The following OPCML variants were observed in gnomAD, a reference collection of about 807,000 sequenced individuals.
OPCML encodes the protein opioid-binding protein/cell adhesion molecule.
Under a neutral mutation model 37.8 loss-of-function variants are expected in OPCML, and 13 were observed. The observed-to-expected ratio is 0.34, with a 90% CI of 0.22 to 0.55. The LOEUF (loss-of-function observed/expected upper bound fraction) is 0.55. Ranked by LOEUF, OPCML falls within the 20% of genes least tolerant of loss-of-function variation. The probability of loss-of-function intolerance (pLI) is 0.91; values close to 1 mark genes in which losing one functional copy is unlikely to be tolerated. For synonymous variants in OPCML, 176 were observed against 168.8 expected (o/e 1.04, Z -0.33); for missense variants, 341 against 435.6 (o/e 0.78, Z 1.93).
At chr11:132,663,935 C>T (rs1051787947) in intron 2 of OPCML, among the ~76,000 whole-genome samples, 2 of 152,138 alleles carry the variant, frequency 1.3e-5, no homozygotes, top group Non-Finnish European at 2.9e-5. Flanking sequence ...CGGGTTCACG[C>T]CATTCTCCCG....
chr11:132,565,977 G>A (rs1352870683), intron 3 of OPCML, among the ~76,000 whole-genome samples: 2 of 152,216 alleles, frequency 1.3e-5, no homozygotes, highest in African/African-American at 4.8e-5. Flanking sequence ...AGGTTGCAGT[G>A]AGTAGAGATT....
chr11:133,371,994 G>A (rs979464787), intron 1 of OPCML, among the ~76,000 whole-genome samples: 16 of 152,044 alleles, frequency 1.1e-4, no homozygotes, highest in African/African-American at 3.9e-4. Context: ...GACAGAGAGT[G>A]GAATGATAGA....
At chr11:132,697,435 T>C (rs1207505895) in intron 2 of OPCML, among the ~76,000 whole-genome samples, 1 of 152,102 alleles carries the variant, frequency 6.6e-6, no homozygotes, top group East Asian at 1.9e-4. Flanking sequence ...TCTCCCTGCT[T>C]CCCTCCTCCT....
intron 1 of OPCML, among the ~76,000 whole-genome samples, chr11:133,346,474 G>A (rs1944003748): frequency 6.6e-6 from 1 of 152,178 alleles, no homozygotes; most frequent in African/African-American, 2.4e-5. Context: ...GACTACAGAA[G>A]AATAGAAATG....
intron 1 of OPCML, among the ~76,000 whole-genome samples, chr11:133,034,308 GGTGTGTGTGTGTGT>G (rs71038514): frequency 7.0e-6 from 1 of 143,436 alleles, no homozygotes; most frequent in Non-Finnish European, 1.5e-5. Context: ...TGTATGTATA[GGTGTGTGTGTGTGT>G]GTGTGTGTGT....
chr11:133,471,991 T>C (rs2137007823), intron 1 of OPCML, among the ~76,000 whole-genome samples: 1 of 152,360 alleles, frequency 6.6e-6, no homozygotes, highest in East Asian at 1.9e-4. Context: ...CCATGAGAGC[T>C]GATCTTTCTA....
At chr11:132,509,629 G>T (rs888736696) in intron 4 of OPCML, among the ~76,000 whole-genome samples, 15 of 152,340 alleles carry the variant, frequency 9.8e-5, no homozygotes, top group African/African-American at 3.6e-4. Context: ...GCAGGCTGTG[G>T]CTTCAGAGGG....
chr11:132,420,095 A>C lies in OPCML; in HGVS notation c.*98T>G. Reference sequence around the variant, plus strand: ...AAAACAAATCTAGAATAACAGAAAAAAACAAAAAGAAGCCCAAGCTGGTTT... The same window carrying C: ...AAAACAAATCTAGAATAACAGAAAACAACAAAAAGAAGCCCAAGCTGGTTT... On this transcript the variant is annotated 3_prime_UTR_variant, in exon 8 of 8. Transcript: ENST00000524381. The C allele has an allele frequency of 1.0e-6, 1 of 965,482 alleles. No individual in the cohort carries two copies. The highest frequency in any genetic ancestry group is 1.5e-6 in the Non-Finnish European group (1 of 647,344). 59.8% of individuals were successfully genotyped at this position (965,482 alleles called of 1,614,324 possible).
At chr11:133,037,106 G>A (rs1226805704) in intron 1 of OPCML, among the ~76,000 whole-genome samples, 1 of 152,136 alleles carries the variant, frequency 6.6e-6, no homozygotes, top group African/African-American at 2.4e-5. Context: ...CCCTAGAAGA[G>A]GGCATTGAGG....
At chr11:133,261,302 G>T (rs1228858620) in intron 1 of OPCML, among the ~76,000 whole-genome samples, 1 of 152,176 alleles carries the variant, frequency 6.6e-6, no homozygotes. Context: ...GCTATGATCT[G>T]ATTGACGGGT....
At chr11:132,960,800 G>A (rs1295666223) in intron 1 of OPCML, among the ~76,000 whole-genome samples, 3 of 152,178 alleles carry the variant, frequency 2.0e-5, no homozygotes, top group Admixed American at 1.3e-4. Context: ...ATTCCCAGAC[G>A]TGGTGATTTG....
rs113637714 is a variant in OPCML at position 133,052,589 on chromosome 11, A to G, written c.62-109579T>C. ...CATGGCACCTGGATGTTGCCTTTAG[A>G]GAGCAACCTCTATGTCCAGATCAGT... On this transcript the variant is annotated intron_variant, in intron 1 of 7. Transcript: ENST00000524381. Among the ~76,000 whole-genome samples, 1,144 of 152,274 alleles carry G rather than the reference A, an allele frequency of 7.5e-3. 26 individuals are homozygous for G. Among genetic ancestry groups the G allele is most frequent in the African/African-American group, 0.027 (1,110 of 41,556 alleles).
rs184503259 is a variant in OPCML at position 133,409,656 on chromosome 11, C to A, written c.61+122608G>T. 2.2e-4 allele frequency among the ~76,000 whole-genome samples: 33 copies of A among 152,214 alleles called. No homozygotes were observed. The East Asian group carries it at 3.3e-3, about 15-fold the overall frequency. On this transcript the variant is annotated intron_variant, in intron 1 of 7. Coordinates refer to ENST00000524381, the MANE Select transcript of OPCML (RefSeq NM_001012393.5). ...ATGAAACTGAGATTTGGACCAAAGT[C>A]TCATAGATACTAGTAGGTCTGATGT... is the stretch of plus-strand genomic sequence containing the variant.
chr11:132,591,404 T>C (rs1324366745), intron 3 of OPCML, among the ~76,000 whole-genome samples: 7 of 152,216 alleles, frequency 4.6e-5, no homozygotes, highest in Admixed American at 4.6e-4. Flanking sequence ...TCATTACTTG[T>C]AGAGTAAAAG....
intron 2 of OPCML, among the ~76,000 whole-genome samples, chr11:132,760,618 G>T (rs1946228513): frequency 6.9e-6 from 1 of 144,714 alleles, no homozygotes; most frequent in Non-Finnish European, 1.5e-5. Context: ...GACTAGGATT[G>T]CAACATTTGC....
chr11:133,007,268 A>G (rs1489287550), intron 1 of OPCML: 3 of 985,356 alleles, frequency 3.0e-6, no homozygotes, highest in Non-Finnish European at 3.6e-6. Context: ...TATTCAAAAT[A>G]ACTGAGCTAT....
At position 132,436,583 on chromosome 11, in the gene OPCML, A is replaced by T. The variant is rs892925981; in HGVS notation, c.764+76T>A. On this transcript the variant is annotated intron_variant, in intron 6 of 7. Transcript: ENST00000524381. Reference sequence around the variant, plus strand: ...TTGCCTTATCTTTCCCCTTTTCTTCATCCTCATCCTTCTCCCATGTGGGGA... The same window carrying T: ...TTGCCTTATCTTTCCCCTTTTCTTCTTCCTCATCCTTCTCCCATGTGGGGA... 2.5e-6 allele frequency: 4 copies of T among 1,575,172 alleles called. No homozygotes were observed. The African/African-American group carries it at 4.1e-5, about 16-fold the overall frequency.
intron 1 of OPCML, among the ~76,000 whole-genome samples, chr11:132,971,989 C>T (rs1420773819): frequency 6.6e-6 from 1 of 152,184 alleles, no homozygotes; most frequent in African/African-American, 2.4e-5. Context: ...GAGTCATTTG[C>T]TTTTACAGCA....
intron 4 of OPCML, among the ~76,000 whole-genome samples, chr11:132,478,502 C>T (rs576890795): frequency 6.6e-6 from 1 of 152,142 alleles, no homozygotes; most frequent in Non-Finnish European, 1.5e-5. Context: ...CCCAAAGAGT[C>T]ATTCACATCA....
Sources: gnomAD v4.1 joint callset for allele counts (sites outside exome capture counted in the v4.1 genomes callset) on GRCh38, gnomAD v4.1.1 for gene constraint, MANE v1.5 for transcripts, NCBI Gene and HGNC (gene_info 2026-07-23, HGNC 2026-07-21) for gene names.